SENP7: variants seen among roughly 807,000 people sequenced by gnomAD.
SENP7 encodes SUMO specific peptidase 7, also known as sentrin-specific protease 7.
SENP7 carries 64 observed loss-of-function variants against 141.2 expected under a neutral mutation model. The observed-to-expected ratio is 0.45, with a 90% confidence interval of 0.37 to 0.56. The LOEUF is 0.56. Ranked by LOEUF, SENP7 falls within the 20% of genes least tolerant of loss-of-function variation. SENP7 has a pLI of 0.00. For missense variants in SENP7, 1,025 were observed against 1,212.2 expected (o/e 0.85, Z 2.29); for synonymous variants, 382 against 426.4 (o/e 0.90, Z 1.28).
At chr3:101,376,914 A>G (rs2060352594) in intron 6 of SENP7, among the ~76,000 whole-genome samples, 1 of 152,226 alleles carries the variant, frequency 6.6e-6, no homozygotes, top group Non-Finnish European at 1.5e-5. Context: ...AACTACATCC[A>G]ATACTCTAAG....
intron 19 of SENP7, among the ~76,000 whole-genome samples, chr3:101,330,809 A>T (rs1244317566): frequency 6.6e-6 from 1 of 152,184 alleles, no homozygotes; most frequent in East Asian, 1.9e-4. Context: ...TTGCTTCATC[A>T]GTTTTTCTTT....
intron 4 of SENP7, chr3:101,457,377 A>G: frequency 2.1e-6 from 3 of 1,447,774 alleles, no homozygotes; most frequent in Middle Eastern, 2.3e-4. Flanking sequence ...CAGTCTGCTT[A>G]AACTGTTCAG....
intron 1 of SENP7, 67 bp downstream of exon 1, chr3:101,513,024 C>A (rs1447784452): frequency 5.4e-6 from 8 of 1,482,174 alleles, no homozygotes; most frequent in South Asian, 2.8e-5. Context: ...CCCCAGCTGC[C>A]GCCTGCGCCT....
intron 6 of SENP7, among the ~76,000 whole-genome samples, chr3:101,393,409 G>C (rs569962392): frequency 1.3e-5 from 2 of 151,872 alleles, no homozygotes; most frequent in African/African-American, 4.8e-5. Context: ...ACAACCTATA[G>C]ATTGGGAGAT....
In SENP7 at chr3:101,366,437, A is replaced by G. The variant is rs1360180646; in HGVS notation, c.1311T>C (p.Ala437=). Residue 437 remains alanine (A), a synonymous_variant, in exon 9 of 24, where the codon GCT becomes GCC. Transcript: ENST00000394095. ...HNEGNQSLIS[A]EPIVVSSDEE... is the part of the protein sequence containing the mutation. ...AATCCTCCTGTCACTTACTTGGTTC[A>G]GCTGAGATCAGTGATTGGTTCCCTT... 1 of 1,589,266 alleles carries G rather than the reference A, an allele frequency of 6.3e-7. No homozygotes were observed. The highest frequency in any genetic ancestry group is 2.2e-5 in the East Asian group (1 of 44,638).
intron 1 of SENP7, among the ~76,000 whole-genome samples, chr3:101,505,104 C>G (rs778523713): frequency 6.6e-6 from 1 of 152,060 alleles, no homozygotes; most frequent in Non-Finnish European, 1.5e-5. Flanking sequence ...CTCAGAAAGT[C>G]AAATACCACA....
At chr3:101,410,458 A>G (rs1199982598) in intron 5 of SENP7, among the ~76,000 whole-genome samples, 1 of 152,194 alleles carries the variant, frequency 6.6e-6, no homozygotes, top group African/African-American at 2.4e-5. Flanking sequence ...AGTATAGGAA[A>G]AAGCTACTTG....
rs1299996445 is a variant in SENP7 at position 101,417,720 on chromosome 3, T to C, written c.355A>G (p.Arg119Gly). 1.3e-5 allele frequency: 21 copies of C among 1,613,894 alleles called. No individual in the cohort carries two copies. Among genetic ancestry groups the C allele is most frequent in the Non-Finnish European group, 1.6e-5 (19 of 1,179,882 alleles). Residue 119 changes from arginine (R) to glycine (G), a missense_variant, in exon 5 of 24, where the codon AGA (arginine) becomes GGA (glycine). Arg to Gly is a moderately radical substitution (Grantham distance 125). Around this residue, in one of 4 missense-constraint regions of SENP7, gnomAD observed 496 missense variants for 503.5 expected, o/e 0.99. Coordinates refer to ENST00000394095, the MANE Select transcript of SENP7 (RefSeq NM_020654.5). ...GCATCACATAAATTAGCATCGTTTCTAGGTAGGGTCTTTCTGAATTTTCGT... is the reference window on the plus strand; with the variant it reads ...GCATCACATAAATTAGCATCGTTTCCAGGTAGGGTCTTTCTGAATTTTCGT... ...LGRKFRKTLPRNDANLCDANK... is the reference protein window; with the variant it reads ...LGRKFRKTLPGNDANLCDANK...
chr3:101,376,608 G>A (rs1053590068), intron 6 of SENP7, among the ~76,000 whole-genome samples: 15 of 152,012 alleles, frequency 9.9e-5, no homozygotes, highest in East Asian at 1.9e-4. Flanking sequence ...CACAGGAAGG[G>A]GAATATCACA....
chr3:101,405,094 C>A (rs1026399580), intron 5 of SENP7, among the ~76,000 whole-genome samples: 2 of 152,062 alleles, frequency 1.3e-5, no homozygotes, highest in African/African-American at 2.4e-5. Context: ...AAGCTCGCAT[C>A]GTGAATTTTT....
intron 3 of SENP7, among the ~76,000 whole-genome samples, chr3:101,488,026 T>C (rs2064802689): frequency 6.6e-6 from 1 of 152,200 alleles, no homozygotes; most frequent in Non-Finnish European, 1.5e-5. Flanking sequence ...AGGAATAGCA[T>C]TGAATCTGTA....
chr3:101,401,548 A>G (rs899638496), intron 5 of SENP7, among the ~76,000 whole-genome samples: 5 of 152,036 alleles, frequency 3.3e-5, no homozygotes, highest in African/African-American at 7.2e-5. Flanking sequence ...AAGGAAAAAA[A>G]AGGAAAAAAA....
At chr3:101,482,213 T>C (rs1463684298) in intron 3 of SENP7, among the ~76,000 whole-genome samples, 1 of 151,252 alleles carries the variant, frequency 6.6e-6, no homozygotes, top group Non-Finnish European at 1.5e-5. Flanking sequence ...CTCGGGAGGC[T>C]GAGGCAGGAG....
At chr3:101,358,032 A>G in intron 11 of SENP7, 1 of 630,246 alleles carries the variant, frequency 1.6e-6, no homozygotes, top group Non-Finnish European at 2.6e-6. Context: ...AAATGTGGCA[A>G]AGCCTTCATT....
At chr3:101,328,446 C>A in intron 22 of SENP7, 32 bp downstream of exon 22, 1 of 1,535,534 alleles carries the variant, frequency 6.5e-7, no homozygotes, top group Non-Finnish European at 9.0e-7. Context: ...TTTTAGATAA[C>A]AGACTGGAAT....
intron 3 of SENP7, among the ~76,000 whole-genome samples, chr3:101,480,592 C>T (rs1316254082): frequency 1.3e-5 from 2 of 152,062 alleles, no homozygotes; most frequent in African/African-American, 2.4e-5. Context: ...CTCAGGACAT[C>T]GGTCTAGGCA....
intron 5 of SENP7, among the ~76,000 whole-genome samples, chr3:101,402,803 G>A (rs564034953): frequency 1.2e-4 from 19 of 152,166 alleles, no homozygotes; most frequent in South Asian, 1.2e-3. Flanking sequence ...ATTACAGCTC[G>A]TTGACAATGC....
intron 11 of SENP7, among the ~76,000 whole-genome samples, chr3:101,355,744 G>A (rs1388410779): frequency 6.6e-6 from 1 of 151,974 alleles, no homozygotes; most frequent in Admixed American, 6.6e-5. Flanking sequence ...TCATATTTCT[G>A]TGAATATCAT....
chr3:101,481,587 G>A lies in SENP7; in HGVS notation c.186+12286C>T, dbSNP rs1418761085. Among the ~76,000 whole-genome samples, 6 of 152,030 alleles carry A rather than the reference G, an allele frequency of 3.9e-5. 1 individual carries two copies. The highest frequency in any genetic ancestry group is 2.0e-4 in the Admixed American group (3 of 15,242). On this transcript the variant is annotated intron_variant, in intron 3 of 23. Transcript: ENST00000394095. ...GTTCTAATATTCAGTAGTAGAATAC[G>A]GTGACTATAGTTAACATCAATGTAT...
Sources: allele counts gnomAD v4.1 joint callset (sites outside exome capture counted in the v4.1 genomes callset), GRCh38; gene constraint gnomAD v4.1.1; regional missense constraint gnomAD v4.1.1; transcripts MANE v1.5; gene names NCBI Gene and HGNC (gene_info 2026-07-23, HGNC 2026-07-21).